The following TEK variants were observed in gnomAD, a reference collection of about 807,000 sequenced individuals.
The protein encoded by TEK is angiopoietin-1 receptor.
A neutral mutation model predicts 131.8 loss-of-function variants in TEK; 43 were observed. The ratio of observed to expected loss-of-function variants is 0.33; its 90% confidence interval spans 0.26 to 0.42. The LOEUF is 0.42. TEK is among the 10% of genes least tolerant of loss of function. The pLI is 1.00. For synonymous variants in TEK, 580 were observed against 491.6 expected (o/e 1.18, Z -2.38); for missense variants, 1,162 against 1,384.4 (o/e 0.84, Z 2.55).
chr9:27,111,719 T>C (rs1278592273), intron 1 of TEK, among the ~76,000 whole-genome samples: 1 of 75,068 alleles, frequency 1.3e-5, no homozygotes, highest in African/African-American at 4.1e-5. Flanking sequence ...GGTTCTATTA[T>C]ATTAGCTTTT....
chr9:27,195,819 T>C lies in TEK; in HGVS notation c.1625-1496T>C, dbSNP rs373912500. 1.6e-3 allele frequency: 669 copies of C among 415,362 alleles called. 13 individuals carry two copies. Among genetic ancestry groups the C allele is most frequent in the Middle Eastern group, 9.8e-3 (28 of 2,848 alleles). 25.7% of individuals were successfully genotyped at this position (415,362 alleles called of 1,614,324 possible). On this transcript the variant is annotated intron_variant, in intron 11 of 22. Coordinates refer to ENST00000380036, the MANE Select transcript of TEK (RefSeq NM_000459.5). ...GGATATTTTAATTTTATTTTACAGG[T>C]GAACTTGGAGAGATTATGAATTTGC...
At chr9:27,148,268 G>A (rs1488834926) in intron 1 of TEK, among the ~76,000 whole-genome samples, 1 of 152,176 alleles carries the variant, frequency 6.6e-6, no homozygotes, top group Non-Finnish European at 1.5e-5. Flanking sequence ...AATTTGATAG[G>A]CAAATAATGA....
Position 27,220,107 on chromosome 9 carries a change from C to T in TEK, c.3162C>T (p.Gly1054=), listed in dbSNP as rs764968437. 1.2e-6 allele frequency: 2 copies of T among 1,614,074 alleles called. No individual in the cohort carries two copies. The highest frequency in any genetic ancestry group is 2.2e-5 in the South Asian group (2 of 91,086). ...CAELYEKLPQ[G]YRLEKPLNCD... ...AACTCTACGAGAAGCTGCCCCAGGG[C>T]TACAGACTGGAGAAGCCCCTGAACT... The change falls in exon 21 of 23, where the codon GGC becomes GGT. Residue 1054 remains glycine (G), a synonymous_variant. Coordinates refer to ENST00000380036, the MANE Select transcript of TEK (RefSeq NM_000459.5).
At chr9:27,142,866 T>G (rs1378600196) in intron 1 of TEK, among the ~76,000 whole-genome samples, 1 of 152,216 alleles carries the variant, frequency 6.6e-6, no homozygotes, top group Non-Finnish European at 1.5e-5. Context: ...ATGGTGGTTG[T>G]GAGAACTCAT....
At chr9:27,144,622 G>A (rs897191754) in intron 1 of TEK, among the ~76,000 whole-genome samples, 4 of 152,056 alleles carry the variant, frequency 2.6e-5, no homozygotes, top group Non-Finnish European at 4.4e-5. Context: ...TAATTGAGGC[G>A]AGGGAATGTG....
chr9:27,206,967 T>C (rs1825421120), intron 15 of TEK, among the ~76,000 whole-genome samples, 175 bp downstream of exon 15: 1 of 152,386 alleles, frequency 6.6e-6, no homozygotes, highest in African/African-American at 2.4e-5. Context: ...AGTCAGGATA[T>C]CAATACAAAG....
At chr9:27,144,403 G>A (rs1469159220) in intron 1 of TEK, among the ~76,000 whole-genome samples, 1 of 152,222 alleles carries the variant, frequency 6.6e-6, no homozygotes, top group Non-Finnish European at 1.5e-5. Context: ...AATGAATATG[G>A]GGACTGGTAG....
At chr9:27,218,646 G>T in intron 19 of TEK, 131 bp from the exon 20 acceptor site, 2 of 868,048 alleles carry the variant, frequency 2.3e-6, no homozygotes, top group South Asian at 1.4e-5. Context: ...GTGTGCAAGG[G>T]CCTATCCTAG....
At chr9:27,220,608 C>T (rs1172388916) in intron 21 of TEK, among the ~76,000 whole-genome samples, 1 of 152,182 alleles carries the variant, frequency 6.6e-6, no homozygotes, top group African/African-American at 2.4e-5. Flanking sequence ...AGGTACCCGG[C>T]TCATCTCATA....
intron 2 of TEK, among the ~76,000 whole-genome samples, chr9:27,167,113 G>A (rs1417003473): frequency 6.6e-6 from 1 of 152,212 alleles, no homozygotes; most frequent in Non-Finnish European, 1.5e-5. Flanking sequence ...TCTTGTTGCT[G>A]GAAGAAAGTT....
At chr9:27,163,422 G>T (rs1823616102) in intron 2 of TEK, among the ~76,000 whole-genome samples, 1 of 152,190 alleles carries the variant, frequency 6.6e-6, no homozygotes, top group African/African-American at 2.4e-5. Flanking sequence ...CAGGTGTTGT[G>T]TGAGGTCTCT....
chr9:27,226,655 A>G (rs758533579), intron 21 of TEK, among the ~76,000 whole-genome samples: 2 of 152,186 alleles, frequency 1.3e-5, no homozygotes, highest in Admixed American at 6.5e-5. Context: ...GCAAACCACC[A>G]TGGCACTTGT....
At chr9:27,134,523 A>C (rs564543593) in intron 1 of TEK, among the ~76,000 whole-genome samples, 9 of 152,230 alleles carry the variant, frequency 5.9e-5, no homozygotes, top group Non-Finnish European at 1.3e-4. Context: ...CCTAGTTTCT[A>C]TCTCTTTTAT....
intron 6 of TEK, among the ~76,000 whole-genome samples, chr9:27,176,199 T>G (rs1231907732): frequency 6.6e-6 from 1 of 152,210 alleles, no homozygotes; most frequent in Non-Finnish European, 1.5e-5. Context: ...TAGTCAACAA[T>G]AGATTGTACA....
chr9:27,157,782 G>T (rs566883657), intron 1 of TEK, 49 bp from the exon 2 acceptor site: 1 of 1,597,958 alleles, frequency 6.3e-7, no homozygotes, highest in East Asian at 2.2e-5. Context: ...ACCCAATGGG[G>T]TCATGTTAAT....
intron 10 of TEK, 107 bp downstream of exon 10, chr9:27,190,797 G>A: frequency 6.7e-7 from 1 of 1,482,370 alleles, no homozygotes; most frequent in African/African-American, 1.4e-5. Context: ...TCTACCTCAA[G>A]GTGGTGGCTG....
At chr9:27,211,082 A>G (rs1825595884) in intron 16 of TEK, among the ~76,000 whole-genome samples, 2 of 151,608 alleles carry the variant, frequency 1.3e-5, no homozygotes, top group East Asian at 1.9e-4. Flanking sequence ...AGATCGCACC[A>G]CTGCACTTCA....
intron 1 of TEK, among the ~76,000 whole-genome samples, chr9:27,149,574 C>T (rs903875567): frequency 1.3e-5 from 2 of 152,162 alleles, no homozygotes; most frequent in African/African-American, 4.8e-5. Flanking sequence ...CCATTATAGA[C>T]TCGTTTCTTT....
rs546234201 is a variant in TEK, at chr9:27,206,660, A to G, written c.2443A>G (p.Ile815Val). ...GGTCAAAAACAACCCAGATCCTACA[A>G]TTTATCCAGTGCTTGACTGGAATGA... ...RKVKNNPDPT[I>V]YPVLDWNDIK... The change falls in exon 15 of 23, where the codon ATT becomes GTT. Residue 815 changes from isoleucine (I) to valine (V), a missense_variant. Ile to Val is a conservative substitution (Grantham distance 29). This residue lies in a region of TEK where 477 missense variants were observed against 471.0 expected (regional missense o/e 1.01). Transcript: ENST00000380036. 17 of 1,614,042 alleles carry G rather than the reference A, an allele frequency of 1.1e-5. No individual in the cohort carries two copies. The highest frequency in any genetic ancestry group is 6.7e-5 in the East Asian group (3 of 44,852).
Sources: gnomAD v4.1 joint callset for allele counts (sites outside exome capture counted in the v4.1 genomes callset) on GRCh38, gnomAD v4.1.1 for gene constraint, gnomAD v4.1.1 regional missense constraint, MANE v1.5 for transcripts, NCBI Gene and HGNC (gene_info 2026-07-23, HGNC 2026-07-21) for gene names.